Variants in SCAMP1 observed in about 807,000 individuals in gnomAD.
The protein encoded by SCAMP1 is secretory carrier-associated membrane protein 1.
Under a neutral mutation model 41.8 loss-of-function variants are expected in SCAMP1, and 15 were observed. The observed-to-expected ratio is 0.36, with a 90% CI of 0.24 to 0.55. SCAMP1 has a LOEUF of 0.55. SCAMP1 is among the 20% of genes least tolerant of loss of function. SCAMP1 has a pLI of 0.86. For synonymous variants in SCAMP1, 135 were observed against 136.8 expected (o/e 0.99, Z 0.09); for missense variants, 341 against 412.6 (o/e 0.83, Z 1.50).
chr5:78,431,901 G>A (rs532958092), intron 6 of SCAMP1, among the ~76,000 whole-genome samples: 39 of 152,128 alleles, frequency 2.6e-4, no homozygotes, highest in African/African-American at 9.2e-4. Context: ...GGCATGCATT[G>A]TGTAATAATT....
chr5:78,465,532 T>G (rs1177834946), intron 8 of SCAMP1, among the ~76,000 whole-genome samples: 1 of 152,160 alleles, frequency 6.6e-6, no homozygotes, highest in Non-Finnish European at 1.5e-5. Flanking sequence ...AAAGAAGGAA[T>G]GGGAAGAGTA....
At chr5:78,441,042 G>T (rs1752909784) in intron 6 of SCAMP1, among the ~76,000 whole-genome samples, 1 of 152,210 alleles carries the variant, frequency 6.6e-6, no homozygotes. Flanking sequence ...TGTGCCGTTT[G>T]CTAAGACCAT....
chr5:78,475,968 T>C lies in SCAMP1; in HGVS notation c.*300T>C, dbSNP rs765707775. 1.2e-5 allele frequency: 2 copies of C among 171,846 alleles called. No homozygotes were observed. The highest frequency in any genetic ancestry group is 3.8e-4 in the South Asian group (2 of 5,248). The allele number at this position is 171,846 out of a possible 1,614,324, so 10.6% of individuals were successfully genotyped here. A position where few individuals can be genotyped will look rare whatever the true frequency, so the allele number is the denominator to read the frequency against. ...GTGACCCACTGAAAATTAATAATGG[T>C]ACTTATGATTAAAAACGCATTTAAT... On this transcript the variant is annotated 3_prime_UTR_variant, in exon 9 of 9. Transcript: ENST00000621999.
chr5:78,407,760 T>G (rs544798852), intron 2 of SCAMP1, among the ~76,000 whole-genome samples: 1 of 152,240 alleles, frequency 6.6e-6, no homozygotes, highest in South Asian at 2.1e-4. Flanking sequence ...ATTCCTTTAT[T>G]ATTTCATCTT....
intron 8 of SCAMP1, among the ~76,000 whole-genome samples, chr5:78,462,487 T>C (rs1348177413): frequency 6.6e-6 from 1 of 152,118 alleles, no homozygotes; most frequent in Admixed American, 6.5e-5. Flanking sequence ...GGCACCTGGC[T>C]AATTTTTTTT....
At chr5:78,369,893 T>C (rs1292662389) in intron 1 of SCAMP1, among the ~76,000 whole-genome samples, 2 of 152,344 alleles carry the variant, frequency 1.3e-5, no homozygotes, top group East Asian at 3.9e-4. Context: ...GTGTGACTTT[T>C]GCCACCCTGG....
chr5:78,421,269 G>GT (rs1380958993), intron 5 of SCAMP1, among the ~76,000 whole-genome samples: 3 of 152,144 alleles, frequency 2.0e-5, no homozygotes, highest in South Asian at 4.1e-4. Flanking sequence ...CAAAACGCAA[G>GT]TTTTTTTCAG....
At chr5:78,402,236 C>T (rs1457147001) in intron 2 of SCAMP1, among the ~76,000 whole-genome samples, 2 of 150,090 alleles carry the variant, frequency 1.3e-5, no homozygotes, top group Non-Finnish European at 3.0e-5. Flanking sequence ...TTTTATGTTA[C>T]AGAATGTCTT....
At chr5:78,397,897 G>T (rs1490728752) in intron 2 of SCAMP1, among the ~76,000 whole-genome samples, 2 of 152,196 alleles carry the variant, frequency 1.3e-5, no homozygotes, top group Non-Finnish European at 2.9e-5. Flanking sequence ...CCACAAGGAG[G>T]ATACCACTTC....
At chr5:78,386,876 A>G (rs926788230) in intron 1 of SCAMP1, among the ~76,000 whole-genome samples, 1 of 152,188 alleles carries the variant, frequency 6.6e-6, no homozygotes, top group Non-Finnish European at 1.5e-5. Context: ...TTTGCCTCAC[A>G]GCTCTTTAGA....
Position 78,477,387 on chromosome 5 carries a change from T to C in SCAMP1, c.*1719T>C, listed in dbSNP as rs1754030230. Reference sequence around the variant, plus strand: ...TCTAATCAGCGATAATTTCTACCTATGTTCTCAACCAACTTAGCCAGTTTG... The same window carrying C: ...TCTAATCAGCGATAATTTCTACCTACGTTCTCAACCAACTTAGCCAGTTTG... On this transcript the variant is annotated 3_prime_UTR_variant, in exon 9 of 9. Coordinates refer to ENST00000621999, the MANE Select transcript of SCAMP1 (RefSeq NM_004866.6). 1 of 152,196 alleles carries C rather than the reference T, an allele frequency of 6.6e-6. No homozygotes were observed. The highest frequency in any genetic ancestry group is 1.5e-5 in the Non-Finnish European group (1 of 67,988). The allele number at this position is 152,196 out of a possible 1,614,324, so 9.4% of individuals were successfully genotyped here. A position where few individuals can be genotyped will look rare whatever the true frequency, so the allele number is the denominator to read the frequency against.
chr5:78,458,394 C>G (rs1258501512), intron 7 of SCAMP1, among the ~76,000 whole-genome samples: 1 of 152,110 alleles, frequency 6.6e-6, no homozygotes, highest in Non-Finnish European at 1.5e-5. Context: ...TTTTGAACAT[C>G]TTTTCATGTG....
In SCAMP1 at chr5:78,479,084, G is replaced by C. The variant is rs1010791201; in HGVS notation, c.*3416G>C. Reference sequence around the variant, plus strand: ...TCAGTATCCTTATTGGTACAAATCTGTGTTTGGCATGACTGTTTATATACA... The same window carrying C: ...TCAGTATCCTTATTGGTACAAATCTCTGTTTGGCATGACTGTTTATATACA... On this transcript the variant is annotated 3_prime_UTR_variant, in exon 9 of 9. Coordinates refer to ENST00000621999, the MANE Select transcript of SCAMP1 (RefSeq NM_004866.6). 1.3e-5 allele frequency: 2 copies of C among 152,190 alleles called. No homozygotes were observed. Among genetic ancestry groups the C allele is most frequent in the Non-Finnish European group, 2.9e-5 (2 of 67,978 alleles). The allele number at this position is 152,190 out of a possible 1,614,324, so 9.4% of individuals were successfully genotyped here.
chr5:78,462,801 A>C (rs1753649374), intron 8 of SCAMP1, among the ~76,000 whole-genome samples: 1 of 152,200 alleles, frequency 6.6e-6, no homozygotes, highest in African/African-American at 2.4e-5. Context: ...TGTTTATTTA[A>C]AGTTTTATTT....
intron 6 of SCAMP1, among the ~76,000 whole-genome samples, chr5:78,434,646 G>C (rs1167820079): frequency 6.6e-6 from 1 of 150,842 alleles, no homozygotes; most frequent in Non-Finnish European, 1.5e-5. Context: ...TTAACATTTT[G>C]TTTTTACATC....
chr5:78,362,128 C>T (rs988396778), intron 1 of SCAMP1, among the ~76,000 whole-genome samples: 2 of 151,722 alleles, frequency 1.3e-5, no homozygotes, highest in Admixed American at 6.6e-5. Flanking sequence ...TAGTATTGGA[C>T]TTGCTTCCAT....
At chr5:78,464,939 G>T (rs754072130) in intron 8 of SCAMP1, among the ~76,000 whole-genome samples, 1 of 151,998 alleles carries the variant, frequency 6.6e-6, no homozygotes, top group African/African-American at 2.4e-5. Flanking sequence ...TGTACTGCTC[G>T]GTTTCTTCAA....
intron 2 of SCAMP1, among the ~76,000 whole-genome samples, chr5:78,391,105 C>T (rs548978914): frequency 0.028 from 1,345 of 48,336 alleles, 15 homozygotes; most frequent in African/African-American, 0.09. Context: ...CCCCACCTTT[C>T]CCCCCTTTCC....
chr5:78,469,943 G>C, intron 8 of SCAMP1, among the ~76,000 whole-genome samples: 2 of 104,918 alleles, frequency 1.9e-5, no homozygotes, highest in Non-Finnish European at 1.9e-5. Context: ...CAACAACACA[G>C]CCCAGGCATG....
Sources: allele counts gnomAD v4.1 joint callset (sites outside exome capture counted in the v4.1 genomes callset), GRCh38; gene constraint gnomAD v4.1.1; transcripts MANE v1.5; gene names NCBI Gene and HGNC (gene_info 2026-07-23, HGNC 2026-07-21).